The following TBC1D5 variants were observed in gnomAD, a reference collection of about 807,000 sequenced individuals.
TBC1D5 encodes the protein TBC1 domain family, member 5.
A neutral mutation model predicts 100.3 loss-of-function variants in TBC1D5; 75 were observed. The observed-to-expected ratio is 0.75, with a 90% CI of 0.62 to 0.91. TBC1D5 has a LOEUF of 0.91. Ranked by LOEUF, TBC1D5 falls within the 40% of genes least tolerant of loss-of-function variation. TBC1D5 has a pLI of 0.00. For synonymous variants in TBC1D5, 323 were observed against 325.6 expected, an observed-to-expected ratio of 0.99 and a Z score of 0.09; for missense variants, 910 against 942.4, an observed-to-expected ratio of 0.97 and a Z score of 0.45.
At chr3:17,514,257 T>G (rs73153086) in intron 2 of TBC1D5, among the ~76,000 whole-genome samples, 10,495 of 152,232 alleles carry the variant, frequency 0.069, 710 homozygotes, top group African/African-American at 0.18. Flanking sequence ...AATACTTCAT[T>G]TGACAACAGG....
chr3:17,545,616 T>C (rs1186933124), intron 2 of TBC1D5, among the ~76,000 whole-genome samples: 1 of 152,224 alleles, frequency 6.6e-6, no homozygotes, highest in Non-Finnish European at 1.5e-5. Context: ...CAATGACTTA[T>C]TATATAAGAA....
intron 3 of TBC1D5, among the ~76,000 whole-genome samples, chr3:17,506,789 T>C (rs2095848937): frequency 6.6e-6 from 1 of 151,966 alleles, no homozygotes; most frequent in African/African-American, 2.4e-5. Flanking sequence ...AACCTCAGTA[T>C]TTAATGAAAT....
rs776222768 is a variant in TBC1D5, at chr3:17,166,902, C to A, written c.1959G>T (p.Leu653=). The change falls in exon 21 of 22, where the codon CTG becomes CTT. Residue 653 remains leucine (L), a synonymous_variant. Transcript: ENST00000253692. ...CCTCTAGCTGGCTCTGGTTAAAACG[C>A]AGGGAACCTTTTAGAATGTCTTTGA... 1.1e-5 allele frequency: 18 copies of A among 1,609,474 alleles called. No homozygotes were observed. The African/African-American group carries it at 2.0e-4, about 18-fold the overall frequency.
intron 2 of TBC1D5, among the ~76,000 whole-genome samples, chr3:17,574,311 T>A (rs571976096): frequency 6.6e-6 from 1 of 152,168 alleles, no homozygotes; most frequent in East Asian, 1.9e-4. Context: ...CGTTGAGGAA[T>A]CTGTTGCCCT....
chr3:17,248,663 T>C (rs1002388388), intron 16 of TBC1D5, among the ~76,000 whole-genome samples: 4 of 152,198 alleles, frequency 2.6e-5, no homozygotes, highest in South Asian at 2.1e-4. Context: ...ACCAGGTGCA[T>C]TGTTAGTCAG....
intron 13 of TBC1D5, among the ~76,000 whole-genome samples, chr3:17,319,761 T>G: frequency 6.6e-6 from 1 of 152,082 alleles, no homozygotes; most frequent in Non-Finnish European, 1.5e-5. Context: ...CTCCAGCTAC[T>G]CAGGAGGCTG....
chr3:17,323,446 T>C (rs2085688792), intron 13 of TBC1D5, among the ~76,000 whole-genome samples: 1 of 152,174 alleles, frequency 6.6e-6, no homozygotes. Context: ...GCAGATGACA[T>C]AATTGTCTAC....
At chr3:17,656,438 G>A (rs1285039337) in intron 1 of TBC1D5, among the ~76,000 whole-genome samples, 1 of 152,140 alleles carries the variant, frequency 6.6e-6, no homozygotes, top group African/African-American at 2.4e-5. Flanking sequence ...AACTCCTGCT[G>A]GTAGCCAGAC....
At chr3:17,196,374 A>G (rs1431623950) in intron 18 of TBC1D5, among the ~76,000 whole-genome samples, 6 of 152,182 alleles carry the variant, frequency 3.9e-5, no homozygotes, top group Non-Finnish European at 1.5e-5. Context: ...TTGTGGCTAC[A>G]TCAATCACTC....
intron 13 of TBC1D5, among the ~76,000 whole-genome samples, chr3:17,351,309 AG>A (rs1392641454): frequency 6.6e-6 from 1 of 152,180 alleles, no homozygotes; most frequent in Non-Finnish European, 1.5e-5. Flanking sequence ...TGTTCACAAT[AG>A]CAAAGACTTG....
chr3:17,172,414 C>T (rs922750238), intron 19 of TBC1D5, among the ~76,000 whole-genome samples: 4 of 152,232 alleles, frequency 2.6e-5, no homozygotes, highest in Non-Finnish European at 4.4e-5. Flanking sequence ...TGATGTCTTT[C>T]CATGGCTTAA....
chr3:17,531,259 T>G (rs1231293168), intron 2 of TBC1D5, among the ~76,000 whole-genome samples: 1 of 152,068 alleles, frequency 6.6e-6, no homozygotes. Context: ...ATAAAATACC[T>G]AGGAATCAAA....
At chr3:17,587,906 TA>T (rs1159339295) in intron 2 of TBC1D5, among the ~76,000 whole-genome samples, 1 of 152,028 alleles carries the variant, frequency 6.6e-6, no homozygotes, top group Non-Finnish European at 1.5e-5. Flanking sequence ...CTGTTTAGAA[TA>T]AAAGATATTC....
At chr3:17,384,747 C>T (rs543355439) in intron 8 of TBC1D5, among the ~76,000 whole-genome samples, 21 of 151,982 alleles carry the variant, frequency 1.4e-4, no homozygotes, top group African/African-American at 5.1e-4. Flanking sequence ...TTCAAGAATG[C>T]AGCATAACAT....
At chr3:17,328,051 C>CT in intron 13 of TBC1D5, among the ~76,000 whole-genome samples, 1 of 152,096 alleles carries the variant, frequency 6.6e-6, no homozygotes, top group Non-Finnish European at 1.5e-5. Context: ...GGGGGGATAG[C>CT]TTAAGGCCCA....
chr3:17,611,236 A>G (rs1017562673), intron 2 of TBC1D5, among the ~76,000 whole-genome samples: 2 of 152,200 alleles, frequency 1.3e-5, no homozygotes, highest in African/African-American at 4.8e-5. Context: ...TTGACATCTC[A>G]AAGTGAAAAT....
chr3:17,534,684 G>A (rs1241904134), intron 2 of TBC1D5, among the ~76,000 whole-genome samples: 1 of 152,152 alleles, frequency 6.6e-6, no homozygotes, highest in African/African-American at 2.4e-5. Flanking sequence ...CAATTCTCAT[G>A]AACATTCAAA....
At chr3:17,701,261 T>C (rs897151544) in intron 1 of TBC1D5, among the ~76,000 whole-genome samples, 1 of 151,948 alleles carries the variant, frequency 6.6e-6, no homozygotes, top group Non-Finnish European at 1.5e-5. Context: ...TTCTCACTCA[T>C]AGGTGGGACC....
At chr3:17,369,255 G>C (rs756099676) in intron 13 of TBC1D5, among the ~76,000 whole-genome samples, 17 of 152,066 alleles carry the variant, frequency 1.1e-4, no homozygotes, top group Non-Finnish European at 2.2e-4. Context: ...AGACAGAGTT[G>C]GAAGGGCTAA....
Sources: gnomAD v4.1 joint callset for allele counts (sites outside exome capture counted in the v4.1 genomes callset) on GRCh38, gnomAD v4.1.1 for gene constraint, MANE v1.5 for transcripts, NCBI Gene and HGNC (gene_info 2026-07-23, HGNC 2026-07-21) for gene names.